SLC5A4: variants seen among roughly 807,000 people sequenced by gnomAD.
The protein encoded by SLC5A4 is solute carrier family 5 member 4.
SLC5A4 carries 55 observed loss-of-function variants against 70.3 expected under a neutral mutation model. The observed-to-expected ratio is 0.78, with a 90% CI of 0.63 to 0.98. The LOEUF (loss-of-function observed/expected upper bound fraction) is 0.98. SLC5A4 is among the 50% of genes least tolerant of loss of function. The probability of loss-of-function intolerance (pLI) is 0.00; values close to 1 mark genes in which losing one functional copy is unlikely to be tolerated. For missense variants in SLC5A4, 735 were observed against 839.2 expected (o/e 0.88, Z 1.53); for synonymous variants, 268 against 305.7 (o/e 0.88, Z 1.29).
chr22:32,330,204 C>CTGTGTG, the SLC5A4 span, among the ~76,000 whole-genome samples: 67 of 103,180 alleles, frequency 6.5e-4, 3 homozygotes, highest in African/African-American at 2.5e-3. Context: ...GTGTTGGGCC[C>CTGTGTG]TGTGTGTATT....
At chr22:32,325,156 C>G in the SLC5A4 span, among the ~76,000 whole-genome samples, 2 of 152,252 alleles carry the variant, frequency 1.3e-5, no homozygotes, top group African/African-American at 4.8e-5. Flanking sequence ...ACTCTTGGCC[C>G]CTCGCACTAG....
At chr22:32,307,923 A>C in the SLC5A4 span, among the ~76,000 whole-genome samples, 2 of 132,680 alleles carry the variant, frequency 1.5e-5, no homozygotes, top group Non-Finnish European at 3.3e-5. Flanking sequence ...TGCAGTTTGC[A>C]GGGATTCTTA....
the SLC5A4 span, among the ~76,000 whole-genome samples, chr22:32,331,003 T>C: frequency 7.2e-6 from 1 of 139,800 alleles, no homozygotes; most frequent in Non-Finnish European, 1.5e-5. Context: ...CTGGTGTGTG[T>C]GTTGGGGGCT....
chr22:32,240,447 ATATG>A (rs1426035943), intron 5 of SLC5A4, among the ~76,000 whole-genome samples: 1,750 of 150,388 alleles, frequency 0.012, 33 homozygotes, highest in African/African-American at 0.041. Context: ...GTATATATAT[ATATG>A]TGTGTGTGTG....
the SLC5A4 span, among the ~76,000 whole-genome samples, chr22:32,275,903 G>A: frequency 4.5e-3 from 681 of 152,188 alleles, 10 homozygotes; most frequent in African/African-American, 0.015. Context: ...TTTAATGATC[G>A]CCATTCTAAC....
At chr22:32,304,202 C>CT in the SLC5A4 span, among the ~76,000 whole-genome samples, 1 of 152,190 alleles carries the variant, frequency 6.6e-6, no homozygotes, top group Non-Finnish European at 1.5e-5. Flanking sequence ...TCTCAGCCTA[C>CT]TGCAACCTCT....
chr22:32,271,132 C>T, the SLC5A4 span: 14 of 650,756 alleles, frequency 2.2e-5, no homozygotes, highest in Non-Finnish European at 4.0e-5. Context: ...TGTACCCTTC[C>T]AGACAGAGCC....
chr22:32,354,719 G>C, the SLC5A4 span, among the ~76,000 whole-genome samples: 1 of 152,066 alleles, frequency 6.6e-6, no homozygotes, highest in Non-Finnish European at 1.5e-5. Context: ...TGAGGCCCCA[G>C]ATACCACATC....
At chr22:32,262,448 T>C in the SLC5A4 span, among the ~76,000 whole-genome samples, 1 of 152,164 alleles carries the variant, frequency 6.6e-6, no homozygotes, top group Non-Finnish European at 1.5e-5. Flanking sequence ...AGCTTCTAGT[T>C]ACCCTGATGG....
Position 32,254,823 on chromosome 22 carries a change from A to G in SLC5A4, c.135+372T>C, listed in dbSNP as rs369578457. Among the ~76,000 whole-genome samples the G allele has an allele frequency of 5.3e-5, 8 of 152,208 alleles. No homozygotes were observed. In the East Asian group the frequency reaches 1.4e-3, roughly 26 times the overall value. ...CGTCTCAAAAAAAAAAAAAATTTGC[A>G]GTCTCAAATTTATTAAAATAAAAAA... On this transcript the variant is annotated intron_variant, in intron 1 of 14. Transcript: ENST00000266086.
the SLC5A4 span, among the ~76,000 whole-genome samples, chr22:32,300,430 C>T: frequency 3.3e-5 from 5 of 152,118 alleles, no homozygotes; most frequent in South Asian, 2.1e-4. Context: ...TTCCAGGTGC[C>T]GTCCGTCACC....
chr22:32,270,503 A>G, the SLC5A4 span: 3 of 730,830 alleles, frequency 4.1e-6, no homozygotes, highest in South Asian at 3.1e-5. Context: ...GAAGCGGACA[A>G]TGACCACCGC....
At chr22:32,301,440 T>C in the SLC5A4 span, among the ~76,000 whole-genome samples, 5 of 152,230 alleles carry the variant, frequency 3.3e-5, no homozygotes, top group Non-Finnish European at 5.9e-5. Flanking sequence ...CATGTACTTA[T>C]TTGCTGTCTG....
At chr22:32,290,207 C>T in the SLC5A4 span, among the ~76,000 whole-genome samples, 73,346 of 151,666 alleles carry the variant, frequency 0.48, 17,853 homozygotes, top group Admixed American at 0.52. Flanking sequence ...GGTTTTAAGC[C>T]CTGCATGCAT....
chr22:32,251,332 G>A (rs1927141739), intron 3 of SLC5A4, among the ~76,000 whole-genome samples: 1 of 152,002 alleles, frequency 6.6e-6, no homozygotes, highest in Non-Finnish European at 1.5e-5. Context: ...AGACCATTAA[G>A]GGGTGATTAG....
the SLC5A4 span, among the ~76,000 whole-genome samples, chr22:32,287,935 A>G: frequency 6.8e-6 from 1 of 146,286 alleles, no homozygotes; most frequent in Admixed American, 6.8e-5. Flanking sequence ...TAGTTTAGAA[A>G]TCTCCAGACC....
Position 32,233,074 on chromosome 22 carries a change from G to T in SLC5A4, c.886-40C>A, listed in dbSNP as rs761024766. ...TGACACACTCATGAAACAAGCCAGGGGATGATTTCAAAGGCAGTCAGCGTC... is the reference window on the plus strand; with the variant it reads ...TGACACACTCATGAAACAAGCCAGGTGATGATTTCAAAGGCAGTCAGCGTC... On this transcript the variant is annotated intron_variant, in intron 8 of 14. Transcript: ENST00000266086. The T allele has an allele frequency of 3.1e-6, 5 of 1,590,932 alleles. No homozygotes were observed. The Admixed American group carries it at 7.0e-5, about 22-fold the overall frequency.
intron 10 of SLC5A4, among the ~76,000 whole-genome samples, chr22:32,229,748 A>G (rs1925636994): frequency 6.6e-6 from 1 of 152,254 alleles, no homozygotes; most frequent in South Asian, 2.1e-4. Flanking sequence ...CAGGGTAACC[A>G]TAATCAGTAA....
At chr22:32,321,394 G>A in the SLC5A4 span, among the ~76,000 whole-genome samples, 2 of 152,230 alleles carry the variant, frequency 1.3e-5, no homozygotes, top group Non-Finnish European at 2.9e-5. Flanking sequence ...GGAGGTTGCA[G>A]TGAGCTGAGA....
Sources: allele counts gnomAD v4.1 joint callset (sites outside exome capture counted in the v4.1 genomes callset), GRCh38; gene constraint gnomAD v4.1.1; transcripts MANE v1.5; gene names NCBI Gene and HGNC (gene_info 2026-07-23, HGNC 2026-07-21).